PALLD: variants seen among roughly 807,000 people sequenced by gnomAD.
The protein encoded by PALLD is palladin, cytoskeletal associated protein.
PALLD carries 61 observed loss-of-function variants against 123.5 expected under a neutral mutation model. The observed-to-expected ratio is 0.49, with a 90% CI of 0.40 to 0.61. PALLD has a LOEUF of 0.61. Among genes scored for constraint, PALLD ranks in the 20% least tolerant of loss-of-function variants. The pLI, the probability that PALLD is intolerant of heterozygous loss-of-function variation, is 0.00. For synonymous variants in PALLD, 465 were observed against 496.4 expected, an observed-to-expected ratio of 0.94 and a Z score of 0.84; for missense variants, 1,273 against 1,377.0, an observed-to-expected ratio of 0.92 and a Z score of 1.20.
intron 2 of PALLD, among the ~76,000 whole-genome samples, chr4:168,619,416 A>G (rs1045645364): frequency 1.1e-4 from 17 of 152,228 alleles, no homozygotes; most frequent in Non-Finnish European, 2.5e-4. Context: ...TTTTAATCTA[A>G]CTGAAATAGG....
chr4:168,670,667 A>G (rs1270708002), intron 3 of PALLD, among the ~76,000 whole-genome samples: 15 of 146,516 alleles, frequency 1.0e-4, no homozygotes, highest in Non-Finnish European at 8.9e-5. Context: ...CGGGAAGCGG[A>G]GCTTGCAGTG....
At chr4:168,752,275 G>A (rs928132503) in intron 10 of PALLD, among the ~76,000 whole-genome samples, 6 of 152,250 alleles carry the variant, frequency 3.9e-5, no homozygotes, top group Admixed American at 2.0e-4. Flanking sequence ...TCAGGAGGCT[G>A]AGGTGGGAGG....
intron 10 of PALLD, among the ~76,000 whole-genome samples, chr4:168,754,254 A>G (rs1198734880): frequency 6.6e-6 from 1 of 152,154 alleles, no homozygotes; most frequent in Non-Finnish European, 1.5e-5. Context: ...TTTTGGCAAA[A>G]TATCAGTGCT....
intron 1 of PALLD, among the ~76,000 whole-genome samples, chr4:168,507,159 AAAAAT>A (rs1182884695): frequency 1.3e-5 from 2 of 152,162 alleles, no homozygotes; most frequent in African/African-American, 2.4e-5. Context: ...ATCAAGCTTA[AAAAAT>A]AAAATAAAAT....
intron 2 of PALLD, among the ~76,000 whole-genome samples, chr4:168,555,049 A>T (rs1396800983): frequency 6.6e-6 from 1 of 152,216 alleles, no homozygotes; most frequent in Non-Finnish European, 1.5e-5. Context: ...GATGAGATTT[A>T]TATGCAAGGA....
intron 10 of PALLD, among the ~76,000 whole-genome samples, chr4:168,812,491 T>G (rs1003210078): frequency 1.5e-4 from 23 of 152,186 alleles, no homozygotes; most frequent in Admixed American, 1.5e-3. Flanking sequence ...AACAGGGAGT[T>G]GGGCAGAAAG....
intron 2 of PALLD, among the ~76,000 whole-genome samples, chr4:168,527,677 C>A (rs924148041): frequency 1.1e-4 from 17 of 152,088 alleles, no homozygotes; most frequent in African/African-American, 3.6e-4. Context: ...GCTCCATTAT[C>A]CTCTGACTCA....
At chr4:168,817,129 G>A in intron 10 of PALLD, among the ~76,000 whole-genome samples, 1 of 152,152 alleles carries the variant, frequency 6.6e-6, no homozygotes, top group Non-Finnish European at 1.5e-5. Flanking sequence ...TCTTTCAGCT[G>A]GAGTGAGAAA....
At chr4:168,765,850 T>A (rs568766253) in intron 10 of PALLD, among the ~76,000 whole-genome samples, 1 of 152,320 alleles carries the variant, frequency 6.6e-6, no homozygotes, top group South Asian at 2.1e-4. Flanking sequence ...GAATTACTCA[T>A]GGGGGTGTGG....
intron 2 of PALLD, among the ~76,000 whole-genome samples, chr4:168,626,400 C>CAAAAA (rs374572213): frequency 1.0e-5 from 1 of 98,848 alleles, no homozygotes; most frequent in African/African-American, 4.0e-5. Context: ...GACTCCATCT[C>CAAAAA]AAAAAAAAAA....
chr4:168,570,980 T>C (rs1165817899), intron 2 of PALLD, among the ~76,000 whole-genome samples: 1 of 152,186 alleles, frequency 6.6e-6, no homozygotes, highest in Non-Finnish European at 1.5e-5. Context: ...TTATTTAGGC[T>C]CTATGCCTGA....
rs371263587 is a variant in PALLD at position 168,894,355 on chromosome 4, T to C, written c.2101-224T>C. ...CTTATTGCTCACTTTAAATTTGTGC[T>C]GTACCAATTGGTGGCTCTCTGGATT... On this transcript the variant is annotated intron_variant, in intron 11 of 21. Transcript: ENST00000505667. 9 of 566,790 alleles carry C rather than the reference T, an allele frequency of 1.6e-5. No individual in the cohort carries two copies. The African/African-American group carries it at 1.7e-4, about 11-fold the overall frequency. 35.1% of individuals were successfully genotyped at this position (566,790 alleles called of 1,614,324 possible).
chr4:168,871,475 G>GA lies in PALLD; in HGVS notation c.1965-19437dup, dbSNP rs954992000. On this transcript the variant is annotated intron_variant, in intron 10 of 21. Transcript: ENST00000505667. ...GATCACTGATTTTGCTTCAAGCATT[G>GA]AAAAAAAAAAGGTTGAAAAACAGAT... is the stretch of plus-strand genomic sequence containing the variant. 1.9e-4 allele frequency among the ~76,000 whole-genome samples: 28 copies of GA among 144,350 alleles called. No homozygotes were observed. The East Asian group carries it at 3.0e-3, about 15-fold the overall frequency. 94.7% of individuals were successfully genotyped at this position (144,350 alleles called of 152,430 possible).
chr4:168,511,836 A>T lies in PALLD; in HGVS notation c.332A>T (p.Lys111Met). The T allele has an allele frequency of 6.2e-7, 1 of 1,614,136 alleles. No individual in the cohort carries two copies. Among genetic ancestry groups the T allele is most frequent in the South Asian group, 1.1e-5 (1 of 91,078 alleles). Reference protein sequence around the residue: ...PVQPLAEKQTKSISSPVSKRK... With the variant: ...PVQPLAEKQTMSISSPVSKRK... The stretch of plus-strand genomic sequence containing the variant: ...CAGCCTCTGGCAGAGAAACAAACTA[A>T]GAGTATCTCTTCACCTGTTTCAAAG... The change falls in exon 2 of 22, where the codon AAG (lysine) becomes ATG (methionine). Residue 111 changes from lysine (K) to methionine (M), a missense_variant. This residue lies in a region of PALLD where 944 missense variants were observed against 954.5 expected (regional missense o/e 0.99). Transcript: ENST00000505667.
At chr4:168,527,610 G>C (rs72697212) in intron 2 of PALLD, among the ~76,000 whole-genome samples, 13,088 of 152,020 alleles carry the variant, frequency 0.086, 814 homozygotes, top group Non-Finnish European at 0.12. Context: ...ATTGTGTTAA[G>C]ATTATTAAAA....
intron 2 of PALLD, among the ~76,000 whole-genome samples, chr4:168,577,795 T>C (rs112739161): frequency 1.4e-5 from 2 of 147,154 alleles, no homozygotes; most frequent in Non-Finnish European, 2.9e-5. Context: ...TCCAGGGACT[T>C]TTGGAGGACC....
At chr4:168,719,212 C>CT (rs1472285122) in intron 10 of PALLD, among the ~76,000 whole-genome samples, 3 of 141,034 alleles carry the variant, frequency 2.1e-5, no homozygotes, top group African/African-American at 5.3e-5. Context: ...AGCCACCAGT[C>CT]TAAGTTTCAA....
At chr4:168,834,881 G>C (rs1380630803) in intron 10 of PALLD, among the ~76,000 whole-genome samples, 1 of 151,838 alleles carries the variant, frequency 6.6e-6, no homozygotes, top group Non-Finnish European at 1.5e-5. Flanking sequence ...TTGCATTTTT[G>C]CAAAATATTA....
At position 168,540,256 on chromosome 4, in the gene PALLD, A is replaced by G. The variant is rs370003614; in HGVS notation, c.908+27844A>G. On this transcript the variant is annotated intron_variant, in intron 2 of 21. Coordinates refer to ENST00000505667, the MANE Select transcript of PALLD (RefSeq NM_001166108.2). ...GCGACTACTATCAGATTCCATCTCA[A>G]CGTTTCACATTCACAGGCAGAGGCT... 5.9e-5 allele frequency among the ~76,000 whole-genome samples: 9 copies of G among 152,270 alleles called. No homozygotes were observed. The East Asian group carries it at 7.7e-4, about 13-fold the overall frequency.
Sources: gnomAD v4.1 joint callset for allele counts (sites outside exome capture counted in the v4.1 genomes callset) on GRCh38, gnomAD v4.1.1 for gene constraint, gnomAD v4.1.1 regional missense constraint, MANE v1.5 for transcripts, NCBI Gene and HGNC (gene_info 2026-07-23, HGNC 2026-07-21) for gene names.